Variants in KLRG1 observed in about 807,000 individuals in gnomAD.
KLRG1 encodes killer cell lectin-like receptor subfamily G member 1.
KLRG1 carries 16 observed loss-of-function variants against 21.8 expected under a neutral mutation model. The ratio of observed to expected loss-of-function variants is 0.73; its 90% confidence interval spans 0.50 to 1.11. The LOEUF (loss-of-function observed/expected upper bound fraction) is 1.11. Among genes scored for constraint, KLRG1 ranks in the 50% most tolerant of loss-of-function variants. The pLI, the probability that KLRG1 is intolerant of heterozygous loss-of-function variation, is 0.00. For missense variants in KLRG1, 173 were observed against 218.3 expected (o/e 0.79, Z 1.31); for synonymous variants, 69 against 75.9 (o/e 0.91, Z 0.47).
the KLRG1 span, among the ~76,000 whole-genome samples, chr12:9,205,508 C>T: frequency 6.6e-6 from 1 of 152,140 alleles, no homozygotes; most frequent in Non-Finnish European, 1.5e-5. Flanking sequence ...ACATGAGATC[C>T]TCATCAGTCC....
chr12:9,088,704 T>G, the KLRG1 span, among the ~76,000 whole-genome samples: 3 of 152,194 alleles, frequency 2.0e-5, no homozygotes, highest in Non-Finnish European at 4.4e-5. Flanking sequence ...CTCAAATGTT[T>G]GATAGGGCAT....
At chr12:9,133,575 T>C in the KLRG1 span, among the ~76,000 whole-genome samples, 1 of 152,202 alleles carries the variant, frequency 6.6e-6, no homozygotes, top group African/African-American at 2.4e-5. Context: ...AGATCCAACA[T>C]AGATTGTGCA....
chr12:9,140,266 G>C, the KLRG1 span, among the ~76,000 whole-genome samples: 8 of 152,100 alleles, frequency 5.3e-5, no homozygotes, highest in South Asian at 4.1e-4. Flanking sequence ...ATAGTAGTAG[G>C]GGGGGGCCCA....
chr12:9,019,225 C>G, the KLRG1 span, among the ~76,000 whole-genome samples: 500 of 152,244 alleles, frequency 3.3e-3, no homozygotes, highest in Non-Finnish European at 6.0e-3. Context: ...ACAATATTGT[C>G]TCATCCCAGT....
chr12:9,068,683 C>T, the KLRG1 span: 2 of 1,372,964 alleles, frequency 1.5e-6, no homozygotes, highest in Non-Finnish European at 2.0e-6. Context: ...ATCTCCTAAA[C>T]CTGAATTTCT....
At chr12:9,085,435 A>G in the KLRG1 span, among the ~76,000 whole-genome samples, 1 of 152,158 alleles carries the variant, frequency 6.6e-6, no homozygotes, top group Non-Finnish European at 1.5e-5. Flanking sequence ...AAAGAAATTT[A>G]AAAGGAAATT....
the KLRG1 span, among the ~76,000 whole-genome samples, chr12:9,047,070 T>TC: frequency 5.4e-4 from 82 of 152,204 alleles, 1 homozygote; most frequent in Non-Finnish European, 1.1e-3. Flanking sequence ...GCCCAGACTG[T>TC]CTCAAATCCC....
At chr12:8,991,317 A>T (rs1946960087) in intron 1 of KLRG1, among the ~76,000 whole-genome samples, 1 of 152,194 alleles carries the variant, frequency 6.6e-6, no homozygotes, top group Non-Finnish European at 1.5e-5. Context: ...AACATGAAGT[A>T]GTGTCCTATT....
chr12:9,098,524 T>C, the KLRG1 span: 6 of 1,457,524 alleles, frequency 4.1e-6, no homozygotes, highest in African/African-American at 1.4e-5. Flanking sequence ...TTAATTGATC[T>C]TATCCTACTT....
chr12:8,990,977 A>G (rs1262270707), intron 1 of KLRG1, among the ~76,000 whole-genome samples: 2 of 152,168 alleles, frequency 1.3e-5, no homozygotes, highest in East Asian at 3.8e-4. Context: ...AGAATTCTCT[A>G]TTTATGAAGG....
intron 1 of KLRG1, among the ~76,000 whole-genome samples, chr12:8,956,871 A>T (rs1946303675): frequency 6.6e-6 from 1 of 152,194 alleles, no homozygotes; most frequent in Admixed American, 6.5e-5. Context: ...ACAGCTTCAC[A>T]TGAAGCTGGT....
chr12:9,072,559 T>A, the KLRG1 span: 1 of 1,599,846 alleles, frequency 6.3e-7, no homozygotes, highest in African/African-American at 1.3e-5. Context: ...TAACCCTTTC[T>A]CTGATCTGTC....
the KLRG1 span, among the ~76,000 whole-genome samples, chr12:9,046,581 A>G: frequency 2.6e-5 from 4 of 152,358 alleles, no homozygotes; most frequent in East Asian, 5.8e-4. Context: ...AAACCATGCA[A>G]GCAAGAAGAG....
chr12:9,090,454 G>A, the KLRG1 span: 3 of 1,613,986 alleles, frequency 1.9e-6, no homozygotes, highest in Non-Finnish European at 2.5e-6. Context: ...AGCTAGGAAG[G>A]CGGGAGAGGC....
chr12:9,091,258 A>G, the KLRG1 span: 1 of 1,614,080 alleles, frequency 6.2e-7, no homozygotes, highest in South Asian at 1.1e-5. Context: ...AGGCCTCTCC[A>G]CGAATCACAG....
At chr12:8,961,924 A>G (rs1334985312) in intron 1 of KLRG1, among the ~76,000 whole-genome samples, 1 of 152,142 alleles carries the variant, frequency 6.6e-6, no homozygotes, top group Non-Finnish European at 1.5e-5. Flanking sequence ...CATCTCTACA[A>G]AAAATTTAAA....
At chr12:9,185,707 A>G in the KLRG1 span, among the ~76,000 whole-genome samples, 5 of 152,126 alleles carry the variant, frequency 3.3e-5, no homozygotes, top group African/African-American at 1.2e-4. Flanking sequence ...CAAGTCACCT[A>G]CAAAGGGAAG....
chr12:9,051,800 T>C, the KLRG1 span, among the ~76,000 whole-genome samples: 1 of 152,248 alleles, frequency 6.6e-6, no homozygotes, highest in Non-Finnish European at 1.5e-5. Context: ...CATTAAACCA[T>C]GTCTAACTCT....
chr12:9,188,726 A>G, the KLRG1 span, among the ~76,000 whole-genome samples: 2 of 152,220 alleles, frequency 1.3e-5, no homozygotes, highest in Non-Finnish European at 2.9e-5. Flanking sequence ...CTATACACCA[A>G]CAACAGTCAA....
Sources: allele counts gnomAD v4.1 joint callset (sites outside exome capture counted in the v4.1 genomes callset), GRCh38; gene constraint gnomAD v4.1.1; transcripts MANE v1.5; gene names NCBI Gene and HGNC (gene_info 2026-07-23, HGNC 2026-07-21).